EP400: variants seen among roughly 807,000 people sequenced by gnomAD.
EP400 encodes E1A binding protein p400.
A neutral mutation model predicts 354.1 loss-of-function variants in EP400; 105 were observed. The observed-to-expected ratio is 0.30, with a 90% CI of 0.25 to 0.35. The LOEUF is 0.35. Among genes scored for constraint, EP400 ranks in the 10% least tolerant of loss-of-function variants. The probability of loss-of-function intolerance (pLI) is 1.00; values close to 1 mark genes in which losing one functional copy is unlikely to be tolerated. For missense variants in EP400, 3,280 were observed against 4,121.0 expected (o/e 0.80, Z 5.59); for synonymous variants, 1,646 against 1,716.9 (o/e 0.96, Z 1.02).
chr12:131,951,520 A>G (rs909521914), intron 1 of EP400, among the ~76,000 whole-genome samples: 1 of 152,114 alleles, frequency 6.6e-6, no homozygotes, highest in South Asian at 2.1e-4. Context: ...GGGTTCGTGG[A>G]TGAGTTGTAT....
rs1894282453 is a variant in EP400 at position 132,025,705 on chromosome 12, G to A, written c.4915G>A (p.Val1639Met). The A allele has an allele frequency of 6.2e-7, 1 of 1,613,534 alleles. No individual in the cohort carries two copies. The highest frequency in any genetic ancestry group is 8.5e-7 in the Non-Finnish European group (1 of 1,179,914). ...GCCCTACCTTCGAGCCCCTGGCCCT[G>A]TGGTGATGCAGACCGTGTCTCAGGC... ...GQPYLRAPGP[V>M]VMQTVSQAGA... The change falls in exon 25 of 53, where the codon GTG (valine) becomes ATG (methionine). Residue 1639 changes from valine to methionine, a missense_variant. By Grantham distance (21) the Val-to-Met change is conservative. Transcript: ENST00000389561. This position sits in a 1 kb window ranked among gnomAD's most constrained non-coding sequence, Gnocchi z 4.1.
intron 12 of EP400, among the ~76,000 whole-genome samples, chr12:131,998,886 A>G (rs1378149968): frequency 9.6e-6 from 1 of 103,904 alleles, no homozygotes; most frequent in African/African-American, 3.7e-5. Flanking sequence ...AAGACTTTGT[A>G]TACAGTCTTG....
Position 132,016,063 on chromosome 12 carries a change from T to G in EP400, c.3924-1472T>G, listed in dbSNP as rs570146908. 2.0e-5 allele frequency among the ~76,000 whole-genome samples: 3 copies of G among 152,318 alleles called. No individual in the cohort carries two copies. The East Asian group carries it at 5.8e-4, about 29-fold the overall frequency. On this transcript the variant is annotated intron_variant, in intron 19 of 52. Coordinates refer to ENST00000389561, the MANE Select transcript of EP400 (RefSeq NM_015409.5). ...AAGTTGCCTTTCTGTTACCAGCCAG[T>G]TCATATGGGCTTTAAGCTCCATCCC... is the stretch of plus-strand genomic sequence containing the variant.
At chr12:132,061,762 T>C (rs1895701372) in intron 45 of EP400, among the ~76,000 whole-genome samples, 1 of 152,170 alleles carries the variant, frequency 6.6e-6, no homozygotes, top group Non-Finnish European at 1.5e-5. Flanking sequence ...GGCTGTGTGT[T>C]TGTGGGTAGC....
rs1403262381 is a variant in EP400, at chr12:131,993,422, G to A, written c.2737+1192G>A. Among the ~76,000 whole-genome samples, 4 of 152,302 alleles carry A rather than the reference G, an allele frequency of 2.6e-5. No homozygotes were observed. The East Asian group carries it at 7.7e-4, about 29-fold the overall frequency. On this transcript the variant is annotated intron_variant, in intron 11 of 52. Transcript: ENST00000389561. ...AAGCACAACAGAGTACAGTAGGTTTGTGTCTTTCTTGTTACCTGGAAAGGA... is the reference window on the plus strand; with the variant it reads ...AAGCACAACAGAGTACAGTAGGTTTATGTCTTTCTTGTTACCTGGAAAGGA...
chr12:131,952,217 G>C (rs1891529221), intron 1 of EP400, among the ~76,000 whole-genome samples: 1 of 149,658 alleles, frequency 6.7e-6, no homozygotes, highest in Admixed American at 6.6e-5. Context: ...GCAGGAGAAT[G>C]GGGTGAACCT....
chr12:132,055,502 G>C (rs572707513), intron 45 of EP400, among the ~76,000 whole-genome samples: 1 of 136,336 alleles, frequency 7.3e-6, no homozygotes, highest in South Asian at 3.0e-4. Flanking sequence ...TGAGGTGTAG[G>C]TGTGTGTGTG....
chr12:131,956,674 A>G (rs1891712083), intron 1 of EP400, among the ~76,000 whole-genome samples: 1 of 152,022 alleles, frequency 6.6e-6, no homozygotes, highest in Non-Finnish European at 1.5e-5. Context: ...TCTTTTCTAC[A>G]CCTTCCCAAA....
Position 132,017,172 on chromosome 12 carries a change from G to A in EP400, c.3924-363G>A, listed in dbSNP as rs556368838. 6.8e-6 allele frequency among the ~76,000 whole-genome samples: 1 copy of A among 146,942 alleles called. No individual in the cohort carries two copies. Among genetic ancestry groups the A allele is most frequent in the Non-Finnish European group, 1.5e-5 (1 of 67,944 alleles). On this transcript the variant is annotated intron_variant, in intron 19 of 52. Transcript: ENST00000389561. This position sits in a 1 kb window ranked among gnomAD's most constrained non-coding sequence, Gnocchi z 5.0. ...CAGTGTAGGACCAGGCGTCAGAGCT[G>A]CCGAGCGGGTGTGTGAGGGGCTTTA...
chr12:131,993,693 G>A (rs1256310390), intron 11 of EP400, among the ~76,000 whole-genome samples: 8 of 152,132 alleles, frequency 5.3e-5, no homozygotes, highest in Non-Finnish European at 1.2e-4. Context: ...CTGTGCCTCC[G>A]GCTACAAACC....
At chr12:132,008,554 C>T (rs140356823) in intron 15 of EP400, among the ~76,000 whole-genome samples, 3,998 of 151,784 alleles carry the variant, frequency 0.026, 80 homozygotes, top group Non-Finnish European at 0.039. Flanking sequence ...TTCACTGTTA[C>T]AATAGTAAAA....
At position 131,990,794 on chromosome 12, in the gene EP400, C is replaced by T. The variant is rs917453455; in HGVS notation, c.2629+80C>T. ...CTTTTCTCAGCAGGCAGTCTCCTGG[C>T]GCTGTGGCTTCCCACAGAGGACATC... On this transcript the variant is annotated intron_variant, in intron 9 of 52. Transcript: ENST00000389561. This position sits in a 1 kb window ranked among gnomAD's most constrained non-coding sequence, Gnocchi z 4.2. The T allele has an allele frequency of 1.9e-5, 20 of 1,039,960 alleles. No homozygotes were observed. The highest frequency in any genetic ancestry group is 2.9e-5 in the South Asian group (2 of 69,874). 64.4% of individuals were successfully genotyped at this position (1,039,960 alleles called of 1,614,324 possible).
chr12:132,030,051 A>G lies in EP400; in HGVS notation c.5647A>G (p.Ile1883Val). 1 of 1,614,212 alleles carries G rather than the reference A, an allele frequency of 6.2e-7. No homozygotes were observed. Among genetic ancestry groups the G allele is most frequent in the Non-Finnish European group, 8.5e-7 (1 of 1,180,034 alleles). ...KLKSEGRRVL[I>V]LSQMILMLDI... ...GAAATCTGAAGGACGTCGGGTGCTG[A>G]TTTTATCACAGATGATTCTTATGTT... Residue 1883 changes from isoleucine (I) to valine (V), a missense_variant, in exon 29 of 53, where the codon ATT (isoleucine) becomes GTT (valine). This residue lies in a region of EP400 where 459 missense variants were observed against 496.9 expected (regional missense o/e 0.92). Transcript: ENST00000389561.
intron 11 of EP400, 38 bp downstream of exon 11, chr12:131,992,268 G>T (rs927234059): frequency 1.3e-6 from 2 of 1,576,866 alleles, no homozygotes; most frequent in African/African-American, 2.7e-5. Flanking sequence ...TCATCTCCAG[G>T]GCTGCTGATG....
intron 1 of EP400, among the ~76,000 whole-genome samples, chr12:131,960,093 T>C (rs1891828033): frequency 6.6e-6 from 1 of 152,236 alleles, no homozygotes; most frequent in Admixed American, 6.5e-5. Context: ...AGCAGGGAGT[T>C]GTCCCTCCAT....
intron 2 of EP400, among the ~76,000 whole-genome samples, chr12:131,972,698 G>C (rs1295720339): frequency 6.9e-6 from 1 of 144,838 alleles, no homozygotes; most frequent in Non-Finnish European, 1.5e-5. Context: ...TGAATAATTC[G>C]CCATAATTTT....
chr12:132,018,047 G>A lies in EP400; in HGVS notation c.4111-163G>A, dbSNP rs1894003198. ...GCAGAGCTTCACCAAGGGTGTGGCA[G>A]CACCTGTGTATTGGCACGGAGGAGG... On this transcript the variant is annotated intron_variant, in intron 20 of 52. Transcript: ENST00000389561. This position sits in a 1 kb window ranked among gnomAD's most constrained non-coding sequence, Gnocchi z 4.0. Among the ~76,000 whole-genome samples the A allele has an allele frequency of 6.6e-6, 1 of 152,248 alleles. No individual in the cohort carries two copies. The highest frequency in any genetic ancestry group is 2.1e-4 in the South Asian group (1 of 4,828).
intron 23 of EP400, among the ~76,000 whole-genome samples, chr12:132,022,419 A>G (rs1179454837): frequency 6.6e-6 from 1 of 152,224 alleles, no homozygotes; most frequent in Non-Finnish European, 1.5e-5. Flanking sequence ...TCTGTGGGCA[A>G]GATATCTCTA....
intron 29 of EP400, among the ~76,000 whole-genome samples, chr12:132,030,765 A>G (rs935339393): frequency 1.3e-5 from 2 of 152,218 alleles, no homozygotes; most frequent in African/African-American, 4.8e-5. Flanking sequence ...ACAGTTGAGA[A>G]CAAAGTCAGT....
Sources: allele counts gnomAD v4.1 joint callset (sites outside exome capture counted in the v4.1 genomes callset), GRCh38; gene constraint gnomAD v4.1.1; regional missense constraint gnomAD v4.1.1; non-coding constraint Gnocchi (gnomAD v3.1); transcripts MANE v1.5; gene names NCBI Gene and HGNC (gene_info 2026-07-23, HGNC 2026-07-21).